The following PVT1 variants were observed in gnomAD, a reference collection of about 807,000 sequenced individuals.
PVT1 encodes the protein Pvt1 oncogene, also known as CXCR4/PVT1 fusion.
chr8:127,828,387 G>A (rs551150836), intron 2 of PVT1, among the ~76,000 whole-genome samples: 8 of 152,256 alleles, frequency 5.3e-5, no homozygotes, highest in African/African-American at 1.9e-4. Context: ...AGAAGAAGAA[G>A]CATCTTCTGC....
intron 4 of PVT1, among the ~76,000 whole-genome samples, chr8:128,036,436 C>T (rs1813463231): frequency 6.6e-6 from 1 of 152,200 alleles, no homozygotes. Context: ...AGGGATGTCA[C>T]AATGCAGGGC....
Position 127,799,053 on chromosome 8 carries a change from A to AT in PVT1, n.372+2988dup, listed in dbSNP as rs555053141. On this transcript the variant is annotated intron_variant and non_coding_transcript_variant, in intron 2 of 10. Coordinates refer to ENST00000651587, the Ensembl canonical transcript of PVT1. ...ACATGATGTGGAAATGGTCTTATTC[A>AT]TTTTTTAATTGCGAAATTCCGAACT... Among the ~76,000 whole-genome samples the AT allele has an allele frequency of 8.3e-3, 1,254 of 151,872 alleles. 13 individuals are homozygous for AT. Among genetic ancestry groups the AT allele is most frequent in the African/African-American group, 0.028 (1,160 of 41,420 alleles).
intron 2 of PVT1, among the ~76,000 whole-genome samples, chr8:127,882,894 G>A (rs967689457): frequency 6.6e-6 from 1 of 152,106 alleles, no homozygotes; most frequent in Non-Finnish European, 1.5e-5. Flanking sequence ...CCCATTGACC[G>A]GGTCTCAGAG....
intron 4 of PVT1, among the ~76,000 whole-genome samples, chr8:128,052,780 C>A (rs1320183132): frequency 6.6e-6 from 1 of 152,202 alleles, no homozygotes; most frequent in Non-Finnish European, 1.5e-5. Context: ...GTTTTAAGTT[C>A]TTTATGTTTA....
intron 4 of PVT1, among the ~76,000 whole-genome samples, chr8:128,040,521 C>T (rs1434675012): frequency 1.3e-5 from 2 of 152,146 alleles, no homozygotes; most frequent in Admixed American, 6.5e-5. Flanking sequence ...AATCCTAACA[C>T]ATGGAAGAAA....
At chr8:127,882,982 A>G (rs1815485626) in intron 2 of PVT1, among the ~76,000 whole-genome samples, 1 of 151,956 alleles carries the variant, frequency 6.6e-6, no homozygotes, top group Non-Finnish European at 1.5e-5. Context: ...AAGAGAGGGA[A>G]AGAGATACAC....
intron 2 of PVT1, among the ~76,000 whole-genome samples, chr8:127,887,579 G>A (rs1016483626): frequency 1.3e-5 from 2 of 152,126 alleles, no homozygotes; most frequent in Admixed American, 1.3e-4. Context: ...AGGCTGGGGT[G>A]CAGTGGTGTA....
intron 3 of PVT1, among the ~76,000 whole-genome samples, chr8:127,893,419 G>A (rs1482056052): frequency 6.6e-6 from 1 of 152,182 alleles, no homozygotes; most frequent in Non-Finnish European, 1.5e-5. Flanking sequence ...TGGGACTACA[G>A]GCGTGCGCCA....
intron 3 of PVT1, chr8:127,939,692 G>T (rs1779745603): frequency 6.6e-6 from 1 of 152,310 alleles, no homozygotes; most frequent in African/African-American, 2.4e-5. Flanking sequence ...TGGCTTACCT[G>T]AGGCCATGTG....
chr8:128,009,036 A>G (rs1351302490), intron 4 of PVT1: 2 of 420,030 alleles, frequency 4.8e-6, no homozygotes, highest in East Asian at 1.2e-4. Context: ...ATTAATACCT[A>G]TCACTGTTTT....
At chr8:127,948,972 G>C (rs1178464623) in intron 3 of PVT1, among the ~76,000 whole-genome samples, 1 of 152,202 alleles carries the variant, frequency 6.6e-6, no homozygotes, top group African/African-American at 2.4e-5. Context: ...GTGGTAAGAG[G>C]CATCAGAAAT....
At chr8:127,938,813 G>A (rs1816309748) in intron 3 of PVT1, among the ~76,000 whole-genome samples, 1 of 152,194 alleles carries the variant, frequency 6.6e-6, no homozygotes, top group Non-Finnish European at 1.5e-5. Context: ...AGGCGAGTGG[G>A]TCTCGTTCGA....
chr8:128,013,675 C>T (rs1186662143), intron 4 of PVT1, among the ~76,000 whole-genome samples: 1 of 152,166 alleles, frequency 6.6e-6, no homozygotes, highest in African/African-American at 2.4e-5. Context: ...TCGTACCTTG[C>T]TGTGGGGGAG....
At chr8:127,813,568 A>T (rs1210944216) in intron 2 of PVT1, among the ~76,000 whole-genome samples, 1 of 151,904 alleles carries the variant, frequency 6.6e-6, no homozygotes, top group Non-Finnish European at 1.5e-5. Flanking sequence ...GTCTCCTCCC[A>T]CTCTAATAAC....
At chr8:127,838,459 T>G (rs1425015163) in intron 2 of PVT1, among the ~76,000 whole-genome samples, 3 of 151,910 alleles carry the variant, frequency 2.0e-5, no homozygotes, top group Non-Finnish European at 2.9e-5. Context: ...AATTCCAGCA[T>G]TTTGGGAGGC....
chr8:127,804,923 AT>A (rs1334610076), intron 2 of PVT1, among the ~76,000 whole-genome samples: 31 of 134,762 alleles, frequency 2.3e-4, no homozygotes, highest in African/African-American at 6.9e-4. Context: ...CACTTTGTCC[AT>A]GTCTTTTTTT....
At chr8:127,948,401 G>T (rs1816452857) in intron 3 of PVT1, 1 of 161,874 alleles carries the variant, frequency 6.2e-6, no homozygotes, top group African/African-American at 2.4e-5. Flanking sequence ...GTGTAGAAGG[G>T]GAAAGCCAAG....
chr8:128,072,447 A>T (rs1183169228), intron 5 of PVT1, among the ~76,000 whole-genome samples: 1 of 152,164 alleles, frequency 6.6e-6, no homozygotes, highest in East Asian at 1.9e-4. Flanking sequence ...TCCTCCCAGC[A>T]AGGATTTTAA....
chr8:127,860,759 A>G (rs1377326954), intron 2 of PVT1, among the ~76,000 whole-genome samples: 3 of 134,572 alleles, frequency 2.2e-5, no homozygotes, highest in East Asian at 2.2e-4. Flanking sequence ...AGCAAGACCC[A>G]ATCTCAAAAA....
Sources: gnomAD v4.1 joint callset for allele counts (sites outside exome capture counted in the v4.1 genomes callset) on GRCh38, gnomAD v4.1.1 for gene constraint, MANE v1.5 for transcripts, NCBI Gene and HGNC (gene_info 2026-07-23, HGNC 2026-07-21) for gene names.